The following KTN1 variants were observed in gnomAD, a reference collection of about 807,000 sequenced individuals.
The protein encoded by KTN1 is kinectin 1.
Under a neutral mutation model 222.5 loss-of-function variants are expected in KTN1, and 130 were observed. The ratio of observed to expected loss-of-function variants is 0.58; its 90% CI spans 0.51 to 0.68. KTN1 has a LOEUF of 0.68. Ranked by LOEUF, KTN1 falls within the 30% of genes least tolerant of loss-of-function variation. The pLI, the probability that KTN1 is intolerant of heterozygous loss-of-function variation, is 0.00. For synonymous variants in KTN1, 512 were observed against 496.3 expected (o/e 1.03, Z -0.42); for missense variants, 1,508 against 1,500.4 (o/e 1.01, Z -0.08).
chr14:55,580,592 G>T (rs2140260142), intron 1 of KTN1, among the ~76,000 whole-genome samples: 1 of 151,760 alleles, frequency 6.6e-6, no homozygotes, highest in Admixed American at 6.6e-5. Context: ...TCGGCCTCGC[G>T]GGGCCGCTCT....
intron 16 of KTN1, 66 bp from the exon 17 acceptor site, chr14:55,641,061 T>G: frequency 6.8e-7 from 1 of 1,469,020 alleles, no homozygotes; most frequent in South Asian, 1.2e-5. Context: ...CTGATAGTTG[T>G]GCCCATAATT....
At position 55,644,520 on chromosome 14, in the gene KTN1, A is replaced by G. The variant is rs554717367; in HGVS notation, c.2173-2453A>G. On this transcript the variant is annotated intron_variant, in intron 18 of 43. Transcript: ENST00000395314. Reference sequence around the variant, plus strand: ...GGCTTGCAGATGGTCAGATAATGCAAATAAATCATTTACTAATATTTCATT... The same window carrying G: ...GGCTTGCAGATGGTCAGATAATGCAGATAAATCATTTACTAATATTTCATT... 14 of 624,696 alleles carry G rather than the reference A, an allele frequency of 2.2e-5. 1 individual carries two copies. The highest frequency in any genetic ancestry group is 1.5e-4 in the South Asian group (8 of 54,624). 38.7% of individuals were successfully genotyped at this position (624,696 alleles called of 1,614,324 possible).
intron 32 of KTN1, chr14:55,661,858 C>T (rs1360836797): frequency 7.4e-6 from 2 of 271,140 alleles, no homozygotes; most frequent in Non-Finnish European, 1.4e-5. Flanking sequence ...ATTATTATAC[C>T]TTTAGTTATT....
chr14:55,582,479 C>T (rs2031915151), intron 1 of KTN1, among the ~76,000 whole-genome samples: 1 of 152,120 alleles, frequency 6.6e-6, no homozygotes, highest in Non-Finnish European at 1.5e-5. Flanking sequence ...AAGTTCTTAA[C>T]TTGAATGTTA....
chr14:55,632,648 C>G (rs2040665200), intron 7 of KTN1, among the ~76,000 whole-genome samples: 1 of 151,978 alleles, frequency 6.6e-6, no homozygotes, highest in Non-Finnish European at 1.5e-5. Context: ...ATATTTAATA[C>G]CAGTGAACTG....
intron 5 of KTN1, among the ~76,000 whole-genome samples, chr14:55,625,274 T>C (rs1477827928): frequency 6.6e-6 from 1 of 152,152 alleles, no homozygotes; most frequent in Non-Finnish European, 1.5e-5. Context: ...TAATAACTGC[T>C]GAAAAGTGTA....
At chr14:55,609,930 C>T (rs2037297280) in intron 1 of KTN1, among the ~76,000 whole-genome samples, 1 of 152,140 alleles carries the variant, frequency 6.6e-6, no homozygotes, top group African/African-American at 2.4e-5. Flanking sequence ...TGACGAATCA[C>T]ACTTAATGGA....
intron 31 of KTN1, 57 bp downstream of exon 31, chr14:55,659,760 A>G (rs763928769): frequency 1.0e-6 from 1 of 1,002,982 alleles, no homozygotes; most frequent in South Asian, 1.4e-5. Context: ...TATGTGGTAA[A>G]CCATTCTCAA....
intron 1 of KTN1, among the ~76,000 whole-genome samples, chr14:55,605,973 T>A (rs377429290): frequency 1.3e-5 from 2 of 152,290 alleles, no homozygotes; most frequent in East Asian, 1.9e-4. Context: ...AAAAATAAGA[T>A]AGTAATGTGG....
At chr14:55,659,309 T>G (rs866712076) in intron 30 of KTN1, among the ~76,000 whole-genome samples, 2,534 of 144,084 alleles carry the variant, frequency 0.018, 67 homozygotes, top group African/African-American at 0.059. Flanking sequence ...TGATTTCTGT[T>G]TTTTTTTTTT....
intron 1 of KTN1, among the ~76,000 whole-genome samples, chr14:55,606,082 G>GT (rs1459860986): frequency 6.6e-6 from 1 of 152,040 alleles, no homozygotes; most frequent in Middle Eastern, 3.4e-3. Flanking sequence ...TTTTTTTGTT[G>GT]TTTTTTGTTT....
intron 1 of KTN1, 99 bp downstream of exon 1, chr14:55,580,453 CG>C (rs922637333): frequency 6.8e-6 from 1 of 146,244 alleles, no homozygotes; most frequent in African/African-American, 2.5e-5. Context: ...GGGAGGGCCG[CG>C]CCGGGCGGGG....
At chr14:55,620,028 G>T (rs1395985936) in intron 5 of KTN1, among the ~76,000 whole-genome samples, 5 of 152,170 alleles carry the variant, frequency 3.3e-5, no homozygotes, top group African/African-American at 1.2e-4. Flanking sequence ...ACAGTGGTAG[G>T]CATTGGGTAA....
chr14:55,594,402 A>G (rs2034668162), intron 1 of KTN1, among the ~76,000 whole-genome samples: 1 of 151,888 alleles, frequency 6.6e-6, no homozygotes, highest in East Asian at 1.9e-4. Flanking sequence ...CTCTTTAAGC[A>G]TTGAAATGTG....
intron 5 of KTN1, 117 bp from the exon 6 acceptor site, chr14:55,627,795 C>A: frequency 1.6e-6 from 1 of 635,916 alleles, no homozygotes; most frequent in Non-Finnish European, 2.8e-6. Flanking sequence ...GACATGAACT[C>A]ATTCTTTTTT....
intron 1 of KTN1, among the ~76,000 whole-genome samples, chr14:55,598,173 C>T (rs1031738418): frequency 6.6e-6 from 1 of 151,930 alleles, no homozygotes; most frequent in African/African-American, 2.4e-5. Context: ...CGGTGGCTCA[C>T]GCCTGTAATC....
At chr14:55,665,954 T>C (rs1405881194) in intron 33 of KTN1, among the ~76,000 whole-genome samples, 1 of 151,978 alleles carries the variant, frequency 6.6e-6, no homozygotes, top group African/African-American at 2.4e-5. Flanking sequence ...AAAAAGCTGT[T>C]CCTCAGTGTC....
At chr14:55,640,101 ATAGTC>A (rs2041616362) in intron 14 of KTN1, 98 bp downstream of exon 14, 2 of 769,628 alleles carry the variant, frequency 2.6e-6, no homozygotes, top group Non-Finnish European at 4.4e-6. Flanking sequence ...AAAATGGAAA[ATAGTC>A]TAGAATTCAT....
At chr14:55,651,668 T>C (rs527513375) in intron 24 of KTN1, 52 of 513,538 alleles carry the variant, frequency 1.0e-4, no homozygotes, top group African/African-American at 9.5e-4. Context: ...GACTTATTAT[T>C]CATAACTATT....
Sources: allele counts gnomAD v4.1 joint callset (sites outside exome capture counted in the v4.1 genomes callset), GRCh38; gene constraint gnomAD v4.1.1; transcripts MANE v1.5; gene names NCBI Gene and HGNC (gene_info 2026-07-23, HGNC 2026-07-21).